FBXL7: variants seen among roughly 807,000 people sequenced by gnomAD.
FBXL7 encodes the protein F-box/LRR-repeat protein 7.
Under a neutral mutation model 38.3 loss-of-function variants are expected in FBXL7, and 12 were observed. The ratio of observed to expected loss-of-function variants is 0.31; its 90% CI spans 0.20 to 0.51. The LOEUF is 0.51. Among genes scored for constraint, FBXL7 ranks in the 20% least tolerant of loss-of-function variants. The probability of loss-of-function intolerance (pLI) is 0.98; values close to 1 mark genes in which losing one functional copy is unlikely to be tolerated. For synonymous variants in FBXL7, 297 were observed against 300.9 expected (o/e 0.99, Z 0.13); for missense variants, 567 against 676.4 (o/e 0.84, Z 1.79).
In FBXL7 at chr5:15,500,667, C is replaced by T; in HGVS notation, c.-10C>T. The T allele has an allele frequency of 1.2e-6, 2 of 1,613,082 alleles. No homozygotes were observed. Among genetic ancestry groups the T allele is most frequent in the Non-Finnish European group, 8.5e-7 (1 of 1,179,372 alleles). ...GTGTCCCGGGAGACGGCGGGCATGA[C>T]GGCTACAGGATGGGCGCGAACAATG... is the stretch of plus-strand genomic sequence containing the variant. On this transcript the variant is annotated 5_prime_UTR_variant, in exon 1 of 4. The change creates a new upstream start codon in the 5' untranslated region. Coordinates refer to ENST00000504595, the MANE Select transcript of FBXL7 (RefSeq NM_012304.5).
chr5:15,519,298 G>A (rs1737031171), intron 1 of FBXL7, among the ~76,000 whole-genome samples: 1 of 152,034 alleles, frequency 6.6e-6, no homozygotes, highest in Non-Finnish European at 1.5e-5. Flanking sequence ...AACCGAGATC[G>A]TGCCACTGCA....
intron 1 of FBXL7, among the ~76,000 whole-genome samples, chr5:15,555,000 T>C (rs1738188606): frequency 6.6e-6 from 1 of 152,242 alleles, no homozygotes; most frequent in Non-Finnish European, 1.5e-5. Context: ...AGCTTAAATA[T>C]GACTCAAAGC....
At chr5:15,737,584 C>T (rs1055533637) in intron 2 of FBXL7, among the ~76,000 whole-genome samples, 5 of 152,132 alleles carry the variant, frequency 3.3e-5, no homozygotes, top group African/African-American at 1.2e-4. Flanking sequence ...AGAGAAAGAT[C>T]TTTTTAAAAT....
chr5:15,538,918 G>C (rs1026360598), intron 1 of FBXL7, among the ~76,000 whole-genome samples: 1 of 152,134 alleles, frequency 6.6e-6, no homozygotes, highest in African/African-American at 2.4e-5. Context: ...TCTATTAGAG[G>C]AGCCTGTGAA....
At chr5:15,610,117 A>G (rs1040471642) in intron 1 of FBXL7, among the ~76,000 whole-genome samples, 14 of 152,164 alleles carry the variant, frequency 9.2e-5, no homozygotes, top group Non-Finnish European at 2.9e-5. Context: ...TATGGGGGAA[A>G]CCACCCCCAT....
At chr5:15,590,870 A>T (rs1739451943) in intron 1 of FBXL7, among the ~76,000 whole-genome samples, 1 of 152,124 alleles carries the variant, frequency 6.6e-6, no homozygotes, top group Non-Finnish European at 1.5e-5. Context: ...TATTGGGGAA[A>T]ATGCTTCTAG....
chr5:15,720,545 T>C (rs987134013), intron 2 of FBXL7, among the ~76,000 whole-genome samples: 1 of 148,708 alleles, frequency 6.7e-6, no homozygotes, highest in Non-Finnish European at 1.5e-5. Flanking sequence ...ACTAAAACTT[T>C]ATGTGTTTAA....
chr5:15,646,225 C>T (rs938786166), intron 2 of FBXL7, among the ~76,000 whole-genome samples: 4 of 152,190 alleles, frequency 2.6e-5, no homozygotes, highest in Non-Finnish European at 4.4e-5. Context: ...TAAGTAACTA[C>T]TTCCTTTCTG....
intron 2 of FBXL7, among the ~76,000 whole-genome samples, chr5:15,820,503 G>C (rs540103685): frequency 4.6e-4 from 70 of 151,948 alleles, no homozygotes; most frequent in Admixed American, 9.2e-4. Context: ...CTTCCCTCTA[G>C]GTCAAGCCCC....
intron 2 of FBXL7, among the ~76,000 whole-genome samples, chr5:15,741,429 C>T (rs1735890689): frequency 6.6e-6 from 1 of 152,146 alleles, no homozygotes; most frequent in East Asian, 1.9e-4. Flanking sequence ...GAATTGTCAA[C>T]TTAAAAAATG....
chr5:15,507,859 G>A (rs554668574), intron 1 of FBXL7, among the ~76,000 whole-genome samples: 15 of 151,918 alleles, frequency 9.9e-5, no homozygotes, highest in Non-Finnish European at 1.9e-4. Context: ...CATGGCCAAC[G>A]TGGTGAAACC....
At chr5:15,761,376 C>G (rs1270922123) in intron 2 of FBXL7, among the ~76,000 whole-genome samples, 6 of 152,114 alleles carry the variant, frequency 3.9e-5, no homozygotes, top group African/African-American at 1.4e-4. Context: ...GTTCTCCTGC[C>G]CTGTGTCTGG....
At chr5:15,541,864 A>T (rs888134062) in intron 1 of FBXL7, among the ~76,000 whole-genome samples, 1 of 151,912 alleles carries the variant, frequency 6.6e-6, no homozygotes, top group African/African-American at 2.4e-5. Context: ...CTGTCTTGGT[A>T]GCCCTTGTCA....
intron 2 of FBXL7, among the ~76,000 whole-genome samples, chr5:15,617,679 T>C (rs1421695494): frequency 2.0e-5 from 3 of 152,134 alleles, no homozygotes; most frequent in Non-Finnish European, 4.4e-5. Context: ...CCTCAGGTGA[T>C]CCACCTGCCT....
At chr5:15,745,375 T>C (rs552768955) in intron 2 of FBXL7, among the ~76,000 whole-genome samples, 19 of 152,334 alleles carry the variant, frequency 1.2e-4, no homozygotes, top group African/African-American at 4.3e-4. Context: ...ATCTCTTCTC[T>C]GTTAGGCATT....
chr5:15,553,069 A>C (rs1462119575), intron 1 of FBXL7, among the ~76,000 whole-genome samples: 1 of 147,658 alleles, frequency 6.8e-6, no homozygotes, highest in Non-Finnish European at 1.5e-5. Context: ...CGACAGAGTA[A>C]GACTCCATGT....
intron 2 of FBXL7, among the ~76,000 whole-genome samples, chr5:15,818,268 T>G (rs1738073909): frequency 6.6e-6 from 1 of 152,184 alleles, no homozygotes; most frequent in African/African-American, 2.4e-5. Flanking sequence ...TACAGTGGCT[T>G]TTTCCTCCTG....
At position 15,597,102 on chromosome 5, in the gene FBXL7, CT is replaced by C. The variant is rs201950566; in HGVS notation, c.38-18879del. On this transcript the variant is annotated intron_variant, in intron 1 of 3. Coordinates refer to ENST00000504595, the MANE Select transcript of FBXL7 (RefSeq NM_012304.5). ...GGGGGCAGCCTTGTGGGACTGAGCCCTTAACCTGTGAAATCTGACACTATCT... is the reference window on the plus strand; with the variant it reads ...GGGGGCAGCCTTGTGGGACTGAGCCCTAACCTGTGAAATCTGACACTATCT... Among the ~76,000 whole-genome samples the C allele has an allele frequency of 3.7e-4, 56 of 152,204 alleles. 2 individuals carry two copies. The East Asian group carries it at 7.4e-3, about 20-fold the overall frequency.
intron 2 of FBXL7, among the ~76,000 whole-genome samples, chr5:15,641,924 T>C (rs1741378049): frequency 6.7e-6 from 1 of 148,164 alleles, no homozygotes. Context: ...TAGTATATGG[T>C]AACTTAACAT....
Sources: gnomAD v4.1 joint callset for allele counts (sites outside exome capture counted in the v4.1 genomes callset) on GRCh38, gnomAD v4.1.1 for gene constraint, MANE v1.5 for transcripts, NCBI Gene and HGNC (gene_info 2026-07-23, HGNC 2026-07-21) for gene names.